DCC: variants seen among roughly 807,000 people sequenced by gnomAD.
DCC encodes DCC netrin 1 receptor.
A neutral mutation model predicts 172.5 loss-of-function variants in DCC; 58 were observed. That is an observed-to-expected ratio of 0.34 (90% CI 0.27 to 0.42). The LOEUF (loss-of-function observed/expected upper bound fraction) is 0.42. Ranked by LOEUF, DCC falls within the 10% of genes least tolerant of loss-of-function variation. The pLI, the probability that DCC is intolerant of heterozygous loss-of-function variation, is 1.00. For missense variants in DCC, 1,740 were observed against 1,791.0 expected (o/e 0.97, Z 0.51); for synonymous variants, 709 against 644.5 (o/e 1.10, Z -1.52).
chr18:53,280,597 C>T (rs2056859489), intron 12 of DCC, among the ~76,000 whole-genome samples: 1 of 151,994 alleles, frequency 6.6e-6, no homozygotes, highest in Non-Finnish European at 1.5e-5. Context: ...GCCAAGCTTC[C>T]AGCACGGAAG....
chr18:53,397,314 G>A lies in DCC; in HGVS notation c.2695G>A (p.Asp899Asn), dbSNP rs1195383149. ...CTATTTCCTACTTGTATAGTCAGAA[G>A]ACACAACATCTCTAAGTTACACAGC... ...FSASAKYKSE[D>N]TTSLSYTATG... is the part of the protein sequence containing the mutation. The change falls in exon 18 of 29, where the codon GAC (aspartate) becomes AAC (asparagine). Residue 899 changes from aspartate to asparagine, a missense_variant. Transcript: ENST00000442544. 7 of 1,613,270 alleles carry A rather than the reference G, an allele frequency of 4.3e-6. No individual in the cohort carries two copies. In the African/African-American group the frequency reaches 5.3e-5, roughly 12 times the overall value.
intron 12 of DCC, among the ~76,000 whole-genome samples, 198 bp downstream of exon 12, chr18:53,215,795 A>T (rs2055837219): frequency 1.3e-5 from 2 of 152,220 alleles, no homozygotes; most frequent in Admixed American, 6.5e-5. Flanking sequence ...ATATTTGTCT[A>T]CTTCTAAACA....
chr18:52,929,385 A>C (rs1377647773), intron 5 of DCC, among the ~76,000 whole-genome samples: 2 of 152,186 alleles, frequency 1.3e-5, no homozygotes, highest in African/African-American at 4.8e-5. Flanking sequence ...CTATAAAAAA[A>C]AGCAGGTTTA....
intron 27 of DCC, among the ~76,000 whole-genome samples, chr18:53,523,371 C>G (rs2046421452): frequency 1.3e-5 from 2 of 152,146 alleles, no homozygotes; most frequent in African/African-American, 4.8e-5. Context: ...CTTCAAGGAT[C>G]TAGAATTAGA....
intron 12 of DCC, among the ~76,000 whole-genome samples, chr18:53,283,551 T>G (rs1318967034): frequency 6.6e-6 from 1 of 152,202 alleles, no homozygotes; most frequent in Non-Finnish European, 1.5e-5. Flanking sequence ...AATAAAAACC[T>G]GAACTAGAAT....
At chr18:52,842,698 G>A (rs1401005977) in intron 2 of DCC, among the ~76,000 whole-genome samples, 1 of 152,182 alleles carries the variant, frequency 6.6e-6, no homozygotes, top group Non-Finnish European at 1.5e-5. Flanking sequence ...CCAGGACTTT[G>A]TGTTCTAACA....
chr18:53,501,742 T>G (rs1025899173), intron 27 of DCC, among the ~76,000 whole-genome samples: 1 of 152,244 alleles, frequency 6.6e-6, no homozygotes, highest in African/African-American at 2.4e-5. Flanking sequence ...TGAAAAATTT[T>G]ACTGCACCAG....
intron 7 of DCC, among the ~76,000 whole-genome samples, chr18:53,115,593 A>G (rs1331178368): frequency 2.0e-5 from 3 of 151,600 alleles, no homozygotes; most frequent in Admixed American, 1.3e-4. Context: ...TGTAAAAAAT[A>G]CAAGCACTGT....
chr18:52,425,456 G>A (rs1371354448), intron 1 of DCC, among the ~76,000 whole-genome samples: 2 of 152,054 alleles, frequency 1.3e-5, no homozygotes, highest in African/African-American at 4.8e-5. Flanking sequence ...TTTCAAGGTT[G>A]GTGCTACCAT....
chr18:52,773,482 C>T (rs1435136696), intron 2 of DCC, among the ~76,000 whole-genome samples: 2 of 147,734 alleles, frequency 1.4e-5, no homozygotes, highest in East Asian at 2.0e-4. Context: ...AAAAATTAAC[C>T]CCCCCAAATA....
At chr18:52,366,355 A>T (rs1045279280) in intron 1 of DCC, among the ~76,000 whole-genome samples, 3 of 152,182 alleles carry the variant, frequency 2.0e-5, no homozygotes, top group Non-Finnish European at 2.9e-5. Context: ...CACAGTGTGC[A>T]AGGGGACCCG....
rs574289913 is a variant in DCC at position 52,684,993 on chromosome 18, T to C, written c.92-67061T>C. ...GGTAGATGTGTGCTTCCAATTCCTA[T>C]TTTTTTTACCACTATGCAGATGCCA... On this transcript the variant is annotated intron_variant, in intron 1 of 28. Coordinates refer to ENST00000442544, the MANE Select transcript of DCC (RefSeq NM_005215.4). Among the ~76,000 whole-genome samples the C allele has an allele frequency of 2.6e-5, 4 of 152,022 alleles. No homozygotes were observed. The East Asian group carries it at 7.7e-4, about 29-fold the overall frequency.
At chr18:52,426,949 C>G (rs965618141) in intron 1 of DCC, among the ~76,000 whole-genome samples, 7 of 152,064 alleles carry the variant, frequency 4.6e-5, no homozygotes, top group African/African-American at 1.4e-4. Flanking sequence ...CTTTATCTCC[C>G]AAATCCTGAC....
intron 19 of DCC, among the ~76,000 whole-genome samples, chr18:53,407,931 T>C (rs547775254): frequency 6.6e-6 from 1 of 152,156 alleles, no homozygotes; most frequent in Admixed American, 6.6e-5. Flanking sequence ...CCTTTTGAAT[T>C]TTAGAACTCC....
At chr18:53,167,255 A>T (rs983159859) in intron 8 of DCC, among the ~76,000 whole-genome samples, 1 of 152,196 alleles carries the variant, frequency 6.6e-6, no homozygotes, top group East Asian at 1.9e-4. Flanking sequence ...ACTTGCTACA[A>T]ATAATCCACT....
chr18:52,462,538 T>G (rs947385275), intron 1 of DCC, among the ~76,000 whole-genome samples: 6 of 152,082 alleles, frequency 3.9e-5, no homozygotes, highest in African/African-American at 1.4e-4. Context: ...ATATGCAACC[T>G]CTTTTAGGTC....
intron 2 of DCC, among the ~76,000 whole-genome samples, chr18:52,790,126 ATGG>A (rs1172325585): frequency 9.2e-5 from 14 of 152,160 alleles, no homozygotes; most frequent in Admixed American, 7.2e-4. Context: ...CCACTGTAAA[ATGG>A]TGGAGACTAA....
At chr18:52,738,060 G>A (rs1044657722) in intron 1 of DCC, among the ~76,000 whole-genome samples, 3 of 152,006 alleles carry the variant, frequency 2.0e-5, no homozygotes, top group Admixed American at 6.6e-5. Context: ...CATAAGTATC[G>A]ATATACCATC....
chr18:52,644,284 G>A (rs2144908710), intron 1 of DCC, among the ~76,000 whole-genome samples: 1 of 152,314 alleles, frequency 6.6e-6, no homozygotes. Context: ...CCCATTAAAA[G>A]TTAGTGTGTA....
Sources: allele counts gnomAD v4.1 joint callset (sites outside exome capture counted in the v4.1 genomes callset), GRCh38; gene constraint gnomAD v4.1.1; transcripts MANE v1.5; gene names NCBI Gene and HGNC (gene_info 2026-07-23, HGNC 2026-07-21).